Variants in GIT2 observed in about 807,000 individuals in gnomAD.
The protein encoded by GIT2 is ARF GTPase-activating protein GIT2.
A neutral mutation model predicts 100.3 loss-of-function variants in GIT2; 32 were observed. The observed-to-expected ratio is 0.32, with a 90% CI of 0.24 to 0.43. The LOEUF is 0.43. GIT2 is among the 20% of genes least tolerant of loss of function. The pLI, the probability that GIT2 is intolerant of heterozygous loss-of-function variation, is 1.00. For missense variants in GIT2, 737 were observed against 975.1 expected (o/e 0.76, Z 3.25); for synonymous variants, 353 against 364.1 (o/e 0.97, Z 0.35).
At chr12:109,972,014 T>A (rs548201315) in intron 7 of GIT2, among the ~76,000 whole-genome samples, 2,372 of 150,762 alleles carry the variant, frequency 0.016, 56 homozygotes, top group African/African-American at 0.053. Context: ...AAAAAAAATA[T>A]ATATATATAT....
chr12:109,957,244 G>C (rs1879734252), intron 12 of GIT2, among the ~76,000 whole-genome samples: 1 of 151,998 alleles, frequency 6.6e-6, no homozygotes, highest in Non-Finnish European at 1.5e-5. Flanking sequence ...GCTAGGACCT[G>C]GTTATTGAAA....
intron 11 of GIT2, 50 bp from the exon 12 acceptor site, chr12:109,960,008 C>T: frequency 8.5e-7 from 1 of 1,181,754 alleles, no homozygotes; most frequent in East Asian, 2.4e-5. Flanking sequence ...AAAATATATA[C>T]ATAAATAGTC....
chr12:109,974,015 C>G (rs1276980011), intron 7 of GIT2, among the ~76,000 whole-genome samples: 1 of 152,016 alleles, frequency 6.6e-6, no homozygotes, highest in Non-Finnish European at 1.5e-5. Flanking sequence ...GCACTCCAGC[C>G]TGGGTGACAG....
chr12:109,931,143 A>G lies in GIT2; in HGVS notation c.*1835T>C, dbSNP rs1257826998. 6.6e-6 allele frequency: 1 copy of G among 152,282 alleles called. No individual in the cohort carries two copies. The highest frequency in any genetic ancestry group is 1.5e-5 in the Non-Finnish European group (1 of 68,056). 9.4% of individuals were successfully genotyped at this position (152,282 alleles called of 1,614,324 possible). The stretch of plus-strand genomic sequence containing the variant: ...ATATGGTCAAGCTATAAAGGTGTGC[A>G]TCGATCAGTCCTGTGAAAATAGAAG... On this transcript the variant is annotated 3_prime_UTR_variant, in exon 20 of 20. Transcript: ENST00000355312.
chr12:109,936,158 G>A lies in GIT2; in HGVS notation c.2004-2073C>T, dbSNP rs150087884. On this transcript the variant is annotated intron_variant, in intron 18 of 19. Transcript: ENST00000355312. ...AAAAGCATCTTGAATTTTAATATAGGATTGAACAATTTATGAAATATAAAT... is the reference window on the plus strand; with the variant it reads ...AAAAGCATCTTGAATTTTAATATAGAATTGAACAATTTATGAAATATAAAT... Among the ~76,000 whole-genome samples, 57 of 151,834 alleles carry A rather than the reference G, an allele frequency of 3.8e-4. No individual in the cohort carries two copies. In the East Asian group the frequency reaches 6.4e-3, roughly 17 times the overall value.
rs1039539901 is a variant in GIT2 at position 109,969,014 on chromosome 12, G to A, written c.719-1511C>T. Among the ~76,000 whole-genome samples the A allele has an allele frequency of 4.6e-5, 7 of 152,018 alleles. No homozygotes were observed. In the East Asian group the frequency reaches 5.8e-4, roughly 13 times the overall value. ...GCTGAGATTACAGGCGTGAGCCACC[G>A]TGCTCGGCCTGAGTTTTTAAAATTC... On this transcript the variant is annotated intron_variant, in intron 7 of 19. Transcript: ENST00000355312.
At chr12:109,981,080 C>T (rs1331242675) in intron 6 of GIT2, 34 bp from the exon 7 acceptor site, 6 of 1,356,998 alleles carry the variant, frequency 4.4e-6, no homozygotes, top group South Asian at 1.2e-5. Flanking sequence ...ATTTATATTG[C>T]TCACTATTCA....
intron 12 of GIT2, chr12:109,954,455 T>C (rs1349637633): frequency 6.6e-6 from 1 of 152,230 alleles, no homozygotes; most frequent in African/African-American, 2.4e-5. Flanking sequence ...GAGGATCTAA[T>C]ACACTTTGAA....
At chr12:109,996,147 G>A (rs1417948975) in intron 1 of GIT2, 26 bp downstream of exon 1, 2 of 1,455,476 alleles carry the variant, frequency 1.4e-6, no homozygotes, top group Non-Finnish European at 1.8e-6. Flanking sequence ...AAGCAGAGGG[G>A]AGCGGGCCCG....
chr12:109,989,249 T>C (rs569377002), intron 3 of GIT2, among the ~76,000 whole-genome samples, 181 bp from the exon 4 acceptor site: 1 of 152,324 alleles, frequency 6.6e-6, no homozygotes, highest in Non-Finnish European at 1.5e-5. Context: ...TTAGTTATTA[T>C]AATGGCTGGG....
chr12:109,933,609 C>CT lies in GIT2; in HGVS notation c.2067+412dup, dbSNP rs796315656. 8 of 203,074 alleles carry CT rather than the reference C, an allele frequency of 3.9e-5. No individual in the cohort carries two copies. Among genetic ancestry groups the CT allele is most frequent in the South Asian group, 9.8e-5 (1 of 10,172 alleles). The allele number at this position is 203,074 out of a possible 1,614,324, so 12.6% of individuals were successfully genotyped here. A position where few individuals can be genotyped will look rare whatever the true frequency, so the allele number is the denominator to read the frequency against. On this transcript the variant is annotated intron_variant, in intron 19 of 19. Transcript: ENST00000355312. The surrounding 1 kb of genome is among the most constrained non-coding windows in gnomAD (Gnocchi z 4.5). ...CGACTGCATATTTTATTTTATTTTA[C>CT]TTTTTTTTGAGACTTGAGTTTCACT...
At chr12:109,941,126 C>T (rs1361627002) in intron 16 of GIT2, among the ~76,000 whole-genome samples, 1 of 152,170 alleles carries the variant, frequency 6.6e-6, no homozygotes, top group Non-Finnish European at 1.5e-5. Context: ...CACACCTCCA[C>T]GCATGCTGTT....
chr12:109,931,767 C>T lies in GIT2; in HGVS notation c.*1211G>A, dbSNP rs1440268585. The T allele has an allele frequency of 6.6e-6, 1 of 152,260 alleles. No individual in the cohort carries two copies. Among genetic ancestry groups the T allele is most frequent in the Non-Finnish European group, 1.5e-5 (1 of 68,066 alleles). 9.4% of individuals were successfully genotyped at this position (152,260 alleles called of 1,614,324 possible). A position where few individuals can be genotyped will look rare whatever the true frequency, so the allele number is the denominator to read the frequency against. ...CTTTCACATTCAGAACAAGAAGGGG[C>T]TTTTGAGTAACTAAAAAACAATCTG... On this transcript the variant is annotated 3_prime_UTR_variant, in exon 20 of 20. Transcript: ENST00000355312.
chr12:109,979,168 G>C (rs1885758534), intron 7 of GIT2, among the ~76,000 whole-genome samples: 1 of 152,020 alleles, frequency 6.6e-6, no homozygotes. Context: ...GGCTGGATGG[G>C]AGAGATCAGA....
chr12:109,991,582 C>A, intron 2 of GIT2, 45 bp downstream of exon 2: 1 of 1,534,750 alleles, frequency 6.5e-7, no homozygotes, highest in Non-Finnish European at 9.0e-7. Context: ...ATGATGAGCC[C>A]TAAAATGTAA....
intron 15 of GIT2, among the ~76,000 whole-genome samples, chr12:109,946,295 T>C (rs1312789435): frequency 3.3e-5 from 5 of 152,162 alleles, no homozygotes; most frequent in Non-Finnish European, 5.9e-5. Flanking sequence ...ACACTGAAAA[T>C]TGACAAAATT....
At chr12:109,996,484 T>C (rs1202132315), upstream of GIT2, 1 of 457,398 alleles carries the variant, frequency 2.2e-6, no homozygotes, top group Non-Finnish European at 3.9e-6. Flanking sequence ...GTATCATCTG[T>C]CCTACCTTTA....
intron 16 of GIT2, among the ~76,000 whole-genome samples, chr12:109,940,712 G>T (rs56089557): frequency 0.19 from 28,503 of 151,648 alleles, 4,931 homozygotes; most frequent in African/African-American, 0.47. Flanking sequence ...AAACGTCATC[G>T]CTACTAAAAG....
At chr12:109,937,383 G>C (rs1592944365) in intron 18 of GIT2, among the ~76,000 whole-genome samples, 2 of 152,322 alleles carry the variant, frequency 1.3e-5, no homozygotes, top group East Asian at 3.9e-4. Flanking sequence ...AAGGCGTGAA[G>C]AAAGTTCTTC....
Sources: gnomAD v4.1 joint callset for allele counts (sites outside exome capture counted in the v4.1 genomes callset) on GRCh38, gnomAD v4.1.1 for gene constraint, Gnocchi (gnomAD v3.1) non-coding constraint, MANE v1.5 for transcripts, NCBI Gene and HGNC (gene_info 2026-07-23, HGNC 2026-07-21) for gene names.